The following SMG6 variants were observed in gnomAD, a reference collection of about 807,000 sequenced individuals.
SMG6 encodes SMG6 nonsense mediated mRNA decay factor, also known as telomerase-binding protein EST1A.
SMG6 carries 66 observed loss-of-function variants against 142.2 expected under a neutral mutation model. That is an observed-to-expected ratio of 0.46 (90% CI 0.38 to 0.57). The LOEUF (loss-of-function observed/expected upper bound fraction) is 0.57. SMG6 is among the 20% of genes least tolerant of loss of function. SMG6 has a pLI of 0.00. For missense variants in SMG6, 1,793 were observed against 1,832.0 expected, an observed-to-expected ratio of 0.98 and a Z score of 0.39; for synonymous variants, 779 against 702.4, an observed-to-expected ratio of 1.11 and a Z score of -1.72.
intron 6 of SMG6, among the ~76,000 whole-genome samples, chr17:2,286,071 A>G (rs1218978566): frequency 1.3e-5 from 2 of 152,226 alleles, no homozygotes; most frequent in Non-Finnish European, 2.9e-5. Flanking sequence ...TTAGGAATAC[A>G]TTTAACCAAG....
intron 15 of SMG6, among the ~76,000 whole-genome samples, chr17:2,069,431 C>CAA (rs79412495): frequency 2.0e-4 from 22 of 112,812 alleles, no homozygotes; most frequent in Middle Eastern, 4.9e-3. Context: ...CCCGTCTCTA[C>CAA]AAAAAAAAAA....
intron 13 of SMG6, among the ~76,000 whole-genome samples, chr17:2,163,992 A>G (rs2071257497): frequency 6.6e-6 from 1 of 151,106 alleles, no homozygotes; most frequent in Admixed American, 6.6e-5. Context: ...AACCAAGAAG[A>G]CGGAGGTTGC....
At chr17:2,282,390 CAAAAAAA>C (rs576759563) in intron 8 of SMG6, among the ~76,000 whole-genome samples, 5 of 84,526 alleles carry the variant, frequency 5.9e-5, no homozygotes, top group Non-Finnish European at 9.3e-5. Flanking sequence ...CAAAAAGCAG[CAAAAAAA>C]AAAAAAAAAA....
At position 2,092,231 on chromosome 17, in the gene SMG6, C is replaced by T. The variant is rs923783431; in HGVS notation, c.3358-6330G>A. 1.3e-5 allele frequency among the ~76,000 whole-genome samples: 2 copies of T among 151,948 alleles called. 1 individual carries two copies. Among genetic ancestry groups the T allele is most frequent in the South Asian group, 4.2e-4 (2 of 4,816 alleles). On this transcript the variant is annotated intron_variant, in intron 13 of 18. Coordinates refer to ENST00000263073, the MANE Select transcript of SMG6 (RefSeq NM_017575.5). The stretch of plus-strand genomic sequence containing the variant: ...GAACGCCTGACCTCAAGTGATCCAC[C>T]GCGCCCGGCCTTTCTCAGTCATTTC...
rs542047947 is a variant in SMG6 at position 2,065,004 on chromosome 17, G to A, written c.4129+69C>T. On this transcript the variant is annotated intron_variant, in intron 18 of 18. Transcript: ENST00000263073. ...CAGAGTCAGTGGAGCCCTTCTCAGG[G>A]GCTGAGGATGGGTAGGATGAGGTAG... 2.2e-4 allele frequency: 271 copies of A among 1,253,394 alleles called. No homozygotes were observed. The African/African-American group carries it at 3.7e-3, about 17-fold the overall frequency. 77.6% of individuals were successfully genotyped at this position (1,253,394 alleles called of 1,614,324 possible).
intron 13 of SMG6, among the ~76,000 whole-genome samples, chr17:2,113,524 G>A (rs2069404750): frequency 6.6e-6 from 1 of 152,182 alleles, no homozygotes; most frequent in Non-Finnish European, 1.5e-5. Context: ...CTGGCTCCAC[G>A]AGAGCACACA....
chr17:2,234,260 T>C (rs1372616653), intron 10 of SMG6, among the ~76,000 whole-genome samples: 2 of 152,074 alleles, frequency 1.3e-5, no homozygotes, highest in African/African-American at 4.8e-5. Flanking sequence ...TTTTAATTCT[T>C]AATTATTATT....
At chr17:2,173,590 T>C (rs531866047) in intron 12 of SMG6, among the ~76,000 whole-genome samples, 3 of 152,160 alleles carry the variant, frequency 2.0e-5, no homozygotes, top group Non-Finnish European at 4.4e-5. Context: ...GTCCCAGTTT[T>C]AGCACTGAAA....
chr17:2,073,725 A>AT (rs1567574751), intron 15 of SMG6, among the ~76,000 whole-genome samples: 1 of 150,016 alleles, frequency 6.7e-6, no homozygotes, highest in Non-Finnish European at 1.5e-5. Context: ...AAAAAAAAAA[A>AT]AAAAGAGACA....
intron 13 of SMG6, among the ~76,000 whole-genome samples, chr17:2,121,861 T>C (rs1251147789): frequency 6.6e-6 from 1 of 151,982 alleles, no homozygotes; most frequent in Non-Finnish European, 1.5e-5. Flanking sequence ...TTTGAGATAG[T>C]CTCACTCTGT....
intron 8 of SMG6, among the ~76,000 whole-genome samples, chr17:2,252,886 T>C (rs1306934686): frequency 2.0e-5 from 3 of 151,790 alleles, no homozygotes; most frequent in Non-Finnish European, 2.9e-5. Context: ...GTATGACCCA[T>C]GAGCTAAGAA....
intron 15 of SMG6, among the ~76,000 whole-genome samples, chr17:2,078,236 T>C (rs1332581827): frequency 6.6e-6 from 1 of 152,082 alleles, no homozygotes; most frequent in Non-Finnish European, 1.5e-5. Context: ...CCTAGAATAG[T>C]AGTAGTGGCA....
chr17:2,119,825 C>A (rs947584695), intron 13 of SMG6, among the ~76,000 whole-genome samples: 3 of 152,166 alleles, frequency 2.0e-5, no homozygotes, highest in African/African-American at 7.2e-5. Context: ...CCATGCCTGG[C>A]TAATTTTTTT....
chr17:2,178,555 A>G (rs983857565), intron 12 of SMG6, among the ~76,000 whole-genome samples: 2 of 152,202 alleles, frequency 1.3e-5, no homozygotes, highest in African/African-American at 2.4e-5. Flanking sequence ...AAACCTCTCC[A>G]TGTTCTAAGC....
chr17:2,242,834 C>T (rs754093795), intron 9 of SMG6, among the ~76,000 whole-genome samples: 2 of 152,184 alleles, frequency 1.3e-5, no homozygotes, highest in South Asian at 4.1e-4. Context: ...CCACCTTCAA[C>T]CTTGTAACTA....
Position 2,160,060 on chromosome 17 carries a change from T to C in SMG6, c.3357+12598A>G, listed in dbSNP as rs546494476. On this transcript the variant is annotated intron_variant, in intron 13 of 18. Transcript: ENST00000263073. ...GAACATTTTGTGGAGAAGGAAATAT[T>C]CTATACCTTGATTGAAGTGGTCCTT... Among the ~76,000 whole-genome samples the C allele has an allele frequency of 3.9e-5, 6 of 152,254 alleles. No homozygotes were observed. In the South Asian group the frequency reaches 1.2e-3, roughly 32 times the overall value.
intron 12 of SMG6, among the ~76,000 whole-genome samples, chr17:2,182,553 G>C (rs995857156): frequency 6.6e-6 from 1 of 152,068 alleles, no homozygotes; most frequent in Non-Finnish European, 1.5e-5. Flanking sequence ...GGAAGAATCA[G>C]ACTACACAGT....
At chr17:2,294,858 G>A (rs940599760) in intron 4 of SMG6, among the ~76,000 whole-genome samples, 2 of 148,222 alleles carry the variant, frequency 1.3e-5, no homozygotes, top group African/African-American at 4.9e-5. Flanking sequence ...CACCAAGCAT[G>A]TAAGAGGAAC....
chr17:2,131,297 TG>T (rs1037143316), intron 13 of SMG6, among the ~76,000 whole-genome samples: 2 of 134,010 alleles, frequency 1.5e-5, no homozygotes, highest in African/African-American at 6.2e-5. Flanking sequence ...CACTCAGAAA[TG>T]ATTTTTTTTT....
Sources: gnomAD v4.1 joint callset for allele counts (sites outside exome capture counted in the v4.1 genomes callset) on GRCh38, gnomAD v4.1.1 for gene constraint, MANE v1.5 for transcripts, NCBI Gene and HGNC (gene_info 2026-07-23, HGNC 2026-07-21) for gene names.